ERC2: variants seen among roughly 807,000 people sequenced by gnomAD.
ERC2 encodes the protein ELKS/RAB6-interacting/CAST family member 2.
ERC2 carries 42 observed loss-of-function variants against 114.8 expected under a neutral mutation model. That is an observed-to-expected ratio of 0.37 (90% CI 0.29 to 0.47). The LOEUF (loss-of-function observed/expected upper bound fraction) is 0.47. Ranked by LOEUF, ERC2 falls within the 20% of genes least tolerant of loss-of-function variation. ERC2 has a pLI of 0.99. For missense variants in ERC2, 939 were observed against 1,150.7 expected (o/e 0.82, Z 2.66); for synonymous variants, 454 against 425.5 (o/e 1.07, Z -0.82).
chr3:56,355,109 T>C (rs1452739634), intron 2 of ERC2, among the ~76,000 whole-genome samples: 1 of 152,202 alleles, frequency 6.6e-6, no homozygotes, highest in Non-Finnish European at 1.5e-5. Context: ...AATGATCCTT[T>C]TCTTTTTTAA....
chr3:56,250,611 C>T (rs181217495), intron 3 of ERC2, among the ~76,000 whole-genome samples: 1 of 151,918 alleles, frequency 6.6e-6, no homozygotes, highest in African/African-American at 2.4e-5. Flanking sequence ...ACTCCACATA[C>T]GCACACATAT....
chr3:56,230,639 G>GA (rs77480343), intron 3 of ERC2, among the ~76,000 whole-genome samples: 36 of 146,532 alleles, frequency 2.5e-4, no homozygotes, highest in Admixed American at 6.8e-4. Flanking sequence ...CATTGCTCAG[G>GA]AAAAAAAAAA....
At chr3:56,164,052 T>C (rs977015695) in intron 4 of ERC2, among the ~76,000 whole-genome samples, 5 of 151,994 alleles carry the variant, frequency 3.3e-5, no homozygotes, top group Non-Finnish European at 7.4e-5. Context: ...CTTGTAAGCC[T>C]TAAGTAAGCA....
chr3:55,841,591 G>T (rs900840623), intron 14 of ERC2, among the ~76,000 whole-genome samples: 2 of 152,158 alleles, frequency 1.3e-5, no homozygotes, highest in African/African-American at 4.8e-5. Flanking sequence ...CTAGGCATTT[G>T]CTATGTTCTA....
chr3:55,832,362 A>G (rs1575760652), intron 14 of ERC2, among the ~76,000 whole-genome samples: 1 of 152,318 alleles, frequency 6.6e-6, no homozygotes, highest in African/African-American at 2.4e-5. Flanking sequence ...ATCCCCCAGT[A>G]GGGGCAGACT....
At chr3:55,809,207 A>G (rs910770040) in intron 14 of ERC2, among the ~76,000 whole-genome samples, 26 of 152,194 alleles carry the variant, frequency 1.7e-4, no homozygotes, top group African/African-American at 6.3e-4. Flanking sequence ...TAATATATGT[A>G]CAGTGTTTTG....
At chr3:56,032,656 A>G (rs1040547582) in intron 7 of ERC2, among the ~76,000 whole-genome samples, 6 of 151,958 alleles carry the variant, frequency 3.9e-5, no homozygotes, top group Non-Finnish European at 8.8e-5. Flanking sequence ...GATTCATCAC[A>G]TAAAAAGGAA....
At chr3:55,821,677 C>G (rs2060129582) in intron 14 of ERC2, among the ~76,000 whole-genome samples, 1 of 152,214 alleles carries the variant, frequency 6.6e-6, no homozygotes, top group African/African-American at 2.4e-5. Flanking sequence ...GCAAATGTCT[C>G]ACAGGGACCA....
intron 14 of ERC2, 91 bp downstream of exon 14, chr3:55,888,298 G>T: frequency 7.1e-7 from 1 of 1,401,666 alleles, no homozygotes; most frequent in Non-Finnish European, 9.7e-7. Flanking sequence ...CTTTTTCTGA[G>T]CTCTTTCTTC....
intron 14 of ERC2, among the ~76,000 whole-genome samples, chr3:55,814,690 T>C (rs1461598901): frequency 6.6e-6 from 1 of 152,216 alleles, no homozygotes; most frequent in Non-Finnish European, 1.5e-5. Context: ...GCTATTTATT[T>C]ACAAGCCTGC....
chr3:56,364,032 G>A (rs1055042898), intron 2 of ERC2, among the ~76,000 whole-genome samples: 40 of 152,188 alleles, frequency 2.6e-4, no homozygotes, highest in African/African-American at 9.2e-4. Context: ...CAGCTCCGTG[G>A]CCTAGCCTCT....
At chr3:56,202,872 T>G (rs920837933) in intron 3 of ERC2, among the ~76,000 whole-genome samples, 1 of 152,212 alleles carries the variant, frequency 6.6e-6, no homozygotes, top group Admixed American at 6.5e-5. Context: ...GAGGTAGATC[T>G]TAAGTGTTCT....
At position 55,804,770 on chromosome 3, in the gene ERC2, T is replaced by C. The variant is rs116629567; in HGVS notation, c.2565-69852A>G. Among the ~76,000 whole-genome samples, 481 of 152,170 alleles carry C rather than the reference T, an allele frequency of 3.2e-3. 2 individuals carry two copies. Among genetic ancestry groups the C allele is most frequent in the African/African-American group, 0.011 (468 of 41,498 alleles). ...CCAACAGCCATACCCCAAAATGAAA[T>C]AGCCACCATCATTCTTTTCACTGCT... On this transcript the variant is annotated intron_variant, in intron 14 of 17. Transcript: ENST00000288221.
chr3:56,028,010 G>A (rs1294918559), intron 7 of ERC2, among the ~76,000 whole-genome samples: 1 of 152,122 alleles, frequency 6.6e-6, no homozygotes, highest in Non-Finnish European at 1.5e-5. Context: ...TGTGTTGCCT[G>A]TAGATATCTA....
chr3:55,644,988 G>A (rs529763551), intron 17 of ERC2, among the ~76,000 whole-genome samples: 6 of 152,140 alleles, frequency 3.9e-5, no homozygotes, highest in South Asian at 2.1e-4. Flanking sequence ...GTCATCTAGC[G>A]TGAGAACTTC....
intron 7 of ERC2, among the ~76,000 whole-genome samples, chr3:56,020,925 G>A (rs1302742108): frequency 2.6e-5 from 4 of 152,104 alleles, no homozygotes; most frequent in South Asian, 2.1e-4. Flanking sequence ...TGAGGGTCAG[G>A]GTCCTACTGG....
intron 13 of ERC2, among the ~76,000 whole-genome samples, chr3:55,927,668 C>T (rs2065825980): frequency 6.6e-6 from 1 of 152,052 alleles, no homozygotes; most frequent in Non-Finnish European, 1.5e-5. Flanking sequence ...GTCATCCTGT[C>T]GTGTTATCAA....
intron 13 of ERC2, among the ~76,000 whole-genome samples, chr3:55,897,663 C>G (rs191597459): frequency 6.6e-6 from 1 of 152,170 alleles, no homozygotes; most frequent in Non-Finnish European, 1.5e-5. Context: ...TTAAACCCCC[C>G]GTCAGCAGCA....
chr3:56,363,466 AG>A (rs2059033874), intron 2 of ERC2, among the ~76,000 whole-genome samples: 1 of 152,202 alleles, frequency 6.6e-6, no homozygotes, highest in Non-Finnish European at 1.5e-5. Context: ...TGTACAAACA[AG>A]GTGTACATGA....
Sources: allele counts gnomAD v4.1 joint callset (sites outside exome capture counted in the v4.1 genomes callset), GRCh38; gene constraint gnomAD v4.1.1; transcripts MANE v1.5; gene names NCBI Gene and HGNC (gene_info 2026-07-23, HGNC 2026-07-21).